Variants in LYPLA1 observed in about 807,000 individuals in gnomAD.
LYPLA1 encodes the protein acyl-protein thioesterase 1.
In LYPLA1, 17 loss-of-function variants were observed where a neutral mutation model predicts 34.0. That is an observed-to-expected ratio of 0.50 (90% CI 0.34 to 0.75). LYPLA1 has a LOEUF of 0.75. LYPLA1 is among the 30% of genes least tolerant of loss of function. The pLI is 0.01. For synonymous variants in LYPLA1, 98 were observed against 100.8 expected (o/e 0.97, Z 0.17); for missense variants, 203 against 288.8 (o/e 0.70, Z 2.15).
chr8:54,084,124 G>GAAAAAA (rs201545035), intron 2 of LYPLA1, among the ~76,000 whole-genome samples: 5 of 56,364 alleles, frequency 8.9e-5, no homozygotes, highest in African/African-American at 4.5e-4. Flanking sequence ...GGAGACCAAA[G>GAAAAAA]AAAAAAAAAA....
intron 2 of LYPLA1, among the ~76,000 whole-genome samples, chr8:54,091,221 C>G (rs1189322681): frequency 2.0e-5 from 3 of 152,098 alleles, no homozygotes; most frequent in Non-Finnish European, 4.4e-5. Context: ...GGCATGGTGG[C>G]TCATGCCTGT....
chr8:54,086,556 A>C (rs1808795728), intron 2 of LYPLA1, among the ~76,000 whole-genome samples: 1 of 64,914 alleles, frequency 1.5e-5, no homozygotes, highest in Non-Finnish European at 2.3e-5. Flanking sequence ...AAAGGGTACC[A>C]AAAAAAAAAA....
chr8:54,051,925 A>G (rs955670743), intron 7 of LYPLA1, among the ~76,000 whole-genome samples: 1 of 150,238 alleles, frequency 6.7e-6, no homozygotes, highest in Non-Finnish European at 1.5e-5. Context: ...ATCGTGGCTC[A>G]CTGCAACTTC....
intron 7 of LYPLA1, among the ~76,000 whole-genome samples, chr8:54,051,595 G>A (rs545472518): frequency 1.3e-5 from 2 of 151,948 alleles, no homozygotes; most frequent in African/African-American, 4.8e-5. Flanking sequence ...TTACAGGCAC[G>A]TGCCACCACG....
At chr8:54,057,038 T>C (rs1806254412) in intron 5 of LYPLA1, among the ~76,000 whole-genome samples, 1 of 151,978 alleles carries the variant, frequency 6.6e-6, no homozygotes. Flanking sequence ...AAAATGCAAA[T>C]CAAAACTACA....
At chr8:54,093,940 G>A (rs554364011) in intron 2 of LYPLA1, among the ~76,000 whole-genome samples, 1 of 152,264 alleles carries the variant, frequency 6.6e-6, no homozygotes, top group South Asian at 2.1e-4. Context: ...TAGTTGAAGA[G>A]TTTTCTATTC....
At chr8:54,078,886 C>CTTTT (rs749362463) in intron 2 of LYPLA1, among the ~76,000 whole-genome samples, 16,341 of 148,186 alleles carry the variant, frequency 0.11, 2,311 homozygotes, top group African/African-American at 0.35. Flanking sequence ...CAACCCCCCC[C>CTTTT]CTTTTTTTTT....
intron 2 of LYPLA1, among the ~76,000 whole-genome samples, chr8:54,083,390 T>C (rs1017005557): frequency 1.3e-5 from 2 of 152,234 alleles, no homozygotes; most frequent in Non-Finnish European, 2.9e-5. Context: ...GCTCAATTTT[T>C]CATAGTATGA....
intron 2 of LYPLA1, among the ~76,000 whole-genome samples, chr8:54,069,938 G>A (rs1039224860): frequency 6.6e-6 from 1 of 152,152 alleles, no homozygotes; most frequent in Non-Finnish European, 1.5e-5. Context: ...AAACCACTGT[G>A]AGATACCACT....
intron 5 of LYPLA1, among the ~76,000 whole-genome samples, chr8:54,058,206 TA>T (rs919457808): frequency 4.6e-5 from 7 of 152,170 alleles, no homozygotes; most frequent in African/African-American, 7.2e-5. Flanking sequence ...GTTAATGGTT[TA>T]AAAAGTGTTT....
intron 2 of LYPLA1, among the ~76,000 whole-genome samples, chr8:54,096,476 C>T (rs1164649802): frequency 2.6e-5 from 4 of 152,110 alleles, no homozygotes; most frequent in Admixed American, 1.3e-4. Flanking sequence ...CTATGGCTCA[C>T]GCCTGTAATC....
chr8:54,069,386 C>T (rs751455026), intron 2 of LYPLA1, among the ~76,000 whole-genome samples: 66 of 151,918 alleles, frequency 4.3e-4, no homozygotes, highest in Non-Finnish European at 6.0e-4. Context: ...AATTATGTAT[C>T]AACTAAAAGT....
Position 54,073,208 on chromosome 8 carries a change from C to T in LYPLA1, c.102-7395G>A, listed in dbSNP as rs1261325239. On this transcript the variant is annotated intron_variant, in intron 2 of 8. Coordinates refer to ENST00000316963, the MANE Select transcript of LYPLA1 (RefSeq NM_006330.4). Reference sequence around the variant, plus strand: ...CATCCTCGGTCTTCCCAACTTGTGCCGCCCAGGGAGATACAGGACAGTAAG... The same window carrying T: ...CATCCTCGGTCTTCCCAACTTGTGCTGCCCAGGGAGATACAGGACAGTAAG... 7 of 790,574 alleles carry T rather than the reference C, an allele frequency of 8.9e-6. No homozygotes were observed. In the East Asian group the frequency reaches 1.3e-4, roughly 14 times the overall value. 49.0% of individuals were successfully genotyped at this position (790,574 alleles called of 1,614,324 possible). A position where few individuals can be genotyped will look rare whatever the true frequency, so the allele number is the denominator to read the frequency against.
At chr8:54,064,743 G>C (rs1806922864) in intron 3 of LYPLA1, among the ~76,000 whole-genome samples, 1 of 152,100 alleles carries the variant, frequency 6.6e-6, no homozygotes, top group Non-Finnish European at 1.5e-5. Flanking sequence ...CCTAAATCAA[G>C]GGTGTCCAAT....
chr8:54,097,039 AC>A (rs1472698115), intron 2 of LYPLA1, among the ~76,000 whole-genome samples: 2 of 152,306 alleles, frequency 1.3e-5, no homozygotes, highest in East Asian at 3.9e-4. Flanking sequence ...GGAAAATCAC[AC>A]TGTAGAAATG....
At chr8:54,095,453 A>ATAAT (rs1809611249) in intron 2 of LYPLA1, among the ~76,000 whole-genome samples, 1 of 152,324 alleles carries the variant, frequency 6.6e-6, no homozygotes, top group South Asian at 2.1e-4. Flanking sequence ...GGAATATGTT[A>ATAAT]TAATATCAAG....
intron 2 of LYPLA1, among the ~76,000 whole-genome samples, chr8:54,076,430 C>A (rs1327041202): frequency 6.6e-6 from 1 of 150,710 alleles, no homozygotes; most frequent in Non-Finnish European, 1.5e-5. Context: ...TCTGCAGATG[C>A]GGATCCTGAC....
chr8:54,093,094 T>C (rs763761849), intron 2 of LYPLA1, among the ~76,000 whole-genome samples: 2 of 151,982 alleles, frequency 1.3e-5, no homozygotes, highest in African/African-American at 2.4e-5. Context: ...AGAAGTAGGG[T>C]TGATATAAGT....
intron 2 of LYPLA1, among the ~76,000 whole-genome samples, chr8:54,073,732 A>T (rs1807670813): frequency 6.6e-6 from 1 of 152,218 alleles, no homozygotes. Context: ...TCCTTATAGT[A>T]CCAACTACTT....
Sources: gnomAD v4.1 joint callset for allele counts (sites outside exome capture counted in the v4.1 genomes callset) on GRCh38, gnomAD v4.1.1 for gene constraint, MANE v1.5 for transcripts, NCBI Gene and HGNC (gene_info 2026-07-23, HGNC 2026-07-21) for gene names.